Variants in UBE2G1 observed in about 807,000 individuals in gnomAD.
UBE2G1 encodes ubiquitin conjugating enzyme E2 G1.
Under a neutral mutation model 22.7 loss-of-function variants are expected in UBE2G1, and 5 were observed. The ratio of observed to expected loss-of-function variants is 0.22; its 90% CI spans 0.12 to 0.46. UBE2G1 has a LOEUF of 0.46. UBE2G1 is among the 20% of genes least tolerant of loss of function. UBE2G1 has a pLI of 0.99. For synonymous variants in UBE2G1, 74 were observed against 67.5 expected (o/e 1.10, Z -0.47); for missense variants, 88 against 203.9 (o/e 0.43, Z 3.46).
At chr17:4,275,334 G>A (rs930254636) in intron 5 of UBE2G1, among the ~76,000 whole-genome samples, 9 of 152,132 alleles carry the variant, frequency 5.9e-5, no homozygotes, top group South Asian at 2.1e-4. Flanking sequence ...GCACAACACT[G>A]CAAATAAATG....
intron 1 of UBE2G1, among the ~76,000 whole-genome samples, chr17:4,328,294 T>C (rs182345030): frequency 1.3e-5 from 2 of 152,326 alleles, no homozygotes; most frequent in Admixed American, 6.5e-5. Context: ...TTTTCACAAG[T>C]TAATTTTTAA....
intron 1 of UBE2G1, among the ~76,000 whole-genome samples, chr17:4,332,222 T>C (rs1213013362): frequency 2.0e-5 from 3 of 152,208 alleles, no homozygotes; most frequent in Admixed American, 6.5e-5. Flanking sequence ...ATTTTACTTC[T>C]TGTCCACTAA....
chr17:4,292,334 C>A (rs1397789004), intron 3 of UBE2G1, among the ~76,000 whole-genome samples: 3 of 144,418 alleles, frequency 2.1e-5, no homozygotes, highest in African/African-American at 7.8e-5. Context: ...AAAAAAAAAA[C>A]CCAAACCAAA....
chr17:4,337,218 G>C (rs529940520), intron 1 of UBE2G1, among the ~76,000 whole-genome samples: 1 of 151,578 alleles, frequency 6.6e-6, no homozygotes, highest in South Asian at 2.1e-4. Flanking sequence ...GCGCGTGCCT[G>C]AAGTCCTAGC....
At chr17:4,363,273 T>A (rs777866908) in intron 1 of UBE2G1, among the ~76,000 whole-genome samples, 98 of 151,836 alleles carry the variant, frequency 6.5e-4, no homozygotes, top group Admixed American at 1.8e-3. Flanking sequence ...CTTCAAATTT[T>A]AAAAAAAAAT....
intron 1 of UBE2G1, among the ~76,000 whole-genome samples, chr17:4,313,335 T>C (rs1264623947): frequency 1.3e-5 from 2 of 152,128 alleles, no homozygotes; most frequent in African/African-American, 4.8e-5. Context: ...TAGGGAGAAG[T>C]TTAAAATTCC....
intron 5 of UBE2G1, among the ~76,000 whole-genome samples, chr17:4,280,278 C>G (rs556535072): frequency 8.2e-4 from 121 of 147,036 alleles, no homozygotes; most frequent in African/African-American, 2.9e-3. Context: ...ATCAGGTAAT[C>G]CACCTGCCTC....
At chr17:4,360,635 G>A (rs1038183248) in intron 1 of UBE2G1, among the ~76,000 whole-genome samples, 2 of 152,240 alleles carry the variant, frequency 1.3e-5, no homozygotes, top group South Asian at 2.1e-4. Flanking sequence ...AAACTGGCCC[G>A]GCGCAGTGGC....
chr17:4,299,806 T>TC lies in UBE2G1; in HGVS notation c.150-2993dup, dbSNP rs569996371. 1.2e-3 allele frequency among the ~76,000 whole-genome samples: 179 copies of TC among 146,214 alleles called. 2 individuals are homozygous for TC. Among genetic ancestry groups the TC allele is most frequent in the African/African-American group, 4.1e-3 (167 of 40,542 alleles). On this transcript the variant is annotated intron_variant, in intron 2 of 5. Transcript: ENST00000396981. ...TACCTGTGGAAATTCTACCTGCCCC[T>TC]CCCCTCTTTTCCTTTTTTTAGTTTT...
chr17:4,343,032 T>C (rs1443303569), intron 1 of UBE2G1, among the ~76,000 whole-genome samples: 1 of 152,178 alleles, frequency 6.6e-6, no homozygotes, highest in Non-Finnish European at 1.5e-5. Context: ...CACTTATCAC[T>C]ACCTAATACA....
At chr17:4,275,693 A>G (rs1771647347) in intron 5 of UBE2G1, among the ~76,000 whole-genome samples, 1 of 152,200 alleles carries the variant, frequency 6.6e-6, no homozygotes, top group African/African-American at 2.4e-5. Flanking sequence ...TTCTTCAATC[A>G]TAGGGAAGTA....
intron 3 of UBE2G1, among the ~76,000 whole-genome samples, chr17:4,294,924 A>T (rs564072637): frequency 2.4e-3 from 368 of 151,178 alleles, no homozygotes; most frequent in Admixed American, 2.8e-3. Context: ...ACGGAATGGG[A>T]GAAACGTACG....
intron 1 of UBE2G1, among the ~76,000 whole-genome samples, chr17:4,356,184 C>T (rs924746505): frequency 1.3e-5 from 2 of 150,698 alleles, no homozygotes; most frequent in African/African-American, 4.9e-5. Flanking sequence ...GGAGAAACCC[C>T]GTCTCTACTA....
intron 1 of UBE2G1, among the ~76,000 whole-genome samples, chr17:4,329,112 A>AC (rs1209921431): frequency 1.0e-5 from 1 of 96,542 alleles, no homozygotes; most frequent in East Asian, 2.0e-4. Context: ...TCAAAAAGAA[A>AC]AAAAAAAAAA....
chr17:4,359,851 C>CAAAAAAA (rs35941094), intron 1 of UBE2G1, among the ~76,000 whole-genome samples: 2 of 107,512 alleles, frequency 1.9e-5, no homozygotes, highest in Non-Finnish European at 2.2e-5. Flanking sequence ...GGCTCCATCT[C>CAAAAAAA]AAAAAAAAAA....
chr17:4,313,329 G>A (rs563424145), intron 1 of UBE2G1, among the ~76,000 whole-genome samples: 93 of 152,272 alleles, frequency 6.1e-4, no homozygotes, highest in African/African-American at 2.2e-3. Flanking sequence ...GCAAAATAGG[G>A]AGAAGTTTAA....
In UBE2G1 at chr17:4,313,093, G is replaced by A. The variant is rs570621835; in HGVS notation, c.47-5970C>T. On this transcript the variant is annotated intron_variant, in intron 1 of 5. Transcript: ENST00000396981. ...CCTATCTGTGTTTAAATGTTGATAC[G>A]GATACCTCACACTACATCCAAATCC... 7.9e-5 allele frequency among the ~76,000 whole-genome samples: 12 copies of A among 152,242 alleles called. No individual in the cohort carries two copies. In the East Asian group the frequency reaches 1.9e-3, roughly 24 times the overall value.
intron 1 of UBE2G1, among the ~76,000 whole-genome samples, chr17:4,321,437 T>C (rs1038355633): frequency 2.6e-5 from 4 of 152,110 alleles, no homozygotes; most frequent in Non-Finnish European, 4.4e-5. Context: ...CCGTTTTTTT[T>C]ACATTGAGTG....
At chr17:4,310,146 G>A (rs547010625) in intron 1 of UBE2G1, among the ~76,000 whole-genome samples, 8 of 152,296 alleles carry the variant, frequency 5.3e-5, no homozygotes, top group Admixed American at 2.0e-4. Context: ...CTTCATGAAT[G>A]CTTCCTTCAA....
Sources: allele counts gnomAD v4.1 joint callset (sites outside exome capture counted in the v4.1 genomes callset), GRCh38; gene constraint gnomAD v4.1.1; transcripts MANE v1.5; gene names NCBI Gene and HGNC (gene_info 2026-07-23, HGNC 2026-07-21).